RELN: variants seen among roughly 807,000 people sequenced by gnomAD.
RELN encodes the protein reelin.
RELN carries 108 observed loss-of-function variants against 427.6 expected under a neutral mutation model. The observed-to-expected ratio is 0.25, with a 90% CI of 0.22 to 0.30. The LOEUF is 0.30. RELN is among the 10% of genes least tolerant of loss of function. The pLI is 1.00. For synonymous variants in RELN, 1,524 were observed against 1,513.4 expected, an observed-to-expected ratio of 1.01 and a Z score of -0.16; for missense variants, 3,715 against 4,302.8, an observed-to-expected ratio of 0.86 and a Z score of 3.82.
rs1485822160 is a variant in RELN, at chr7:103,640,854, G to A, written c.2003-245C>T. Among the ~76,000 whole-genome samples, 1 of 152,104 alleles carries A rather than the reference G, an allele frequency of 6.6e-6. No individual in the cohort carries two copies. Among genetic ancestry groups the A allele is most frequent in the African/African-American group, 2.4e-5 (1 of 41,430 alleles). On this transcript the variant is annotated intron_variant, in intron 16 of 64. Transcript: ENST00000428762. This position sits in a 1 kb window ranked among gnomAD's most constrained non-coding sequence, Gnocchi z 4.1. ...CATATCAAAGAAGATAGGAGCTTAT[G>A]ATTTGAATTCTTAATAGAGTCTATT... is the stretch of plus-strand genomic sequence containing the variant.
rs927642846 is a variant in RELN at position 103,704,506 on chromosome 7, T to G, written c.806-3500A>C. 3.3e-5 allele frequency among the ~76,000 whole-genome samples: 5 copies of G among 152,230 alleles called. 1 individual carries two copies. The highest frequency in any genetic ancestry group is 6.8e-3 in the Middle Eastern group (2 of 294). ...TCCTCCTCTTACAGTGGATGAAATA[T>G]TTCTGTTATAATCAAAGGTTAATTT... On this transcript the variant is annotated intron_variant, in intron 8 of 64. Transcript: ENST00000428762.
At chr7:103,734,161 T>G (rs1190050023) in intron 6 of RELN, among the ~76,000 whole-genome samples, 2 of 152,196 alleles carry the variant, frequency 1.3e-5, no homozygotes, top group Non-Finnish European at 2.9e-5. Flanking sequence ...TTTTCCACTT[T>G]CTCATGTTCT....
intron 31 of RELN, among the ~76,000 whole-genome samples, chr7:103,571,227 GA>G (rs1275780094): frequency 6.6e-6 from 1 of 152,158 alleles, no homozygotes; most frequent in Non-Finnish European, 1.5e-5. Flanking sequence ...AACAAACTTA[GA>G]AGGTGCAAAC....
In RELN at chr7:103,495,766, G is replaced by T; in HGVS notation, c.9326C>A (p.Ser3109Tyr). The T allele has an allele frequency of 6.2e-7, 1 of 1,614,002 alleles. No homozygotes were observed. The highest frequency in any genetic ancestry group is 8.5e-7 in the Non-Finnish European group (1 of 1,179,994). ...TCCTGGCTGTATAATGAGTTCTCGG[G>T]AGGAGAGAGCATTGTGAGTCTTGTC... Reference protein sequence around the residue: ...KKDKTHNALSSRELIIQPGYM... With the variant: ...KKDKTHNALSYRELIIQPGYM... The change falls in exon 57 of 65, where the codon TCC (serine) becomes TAC (tyrosine). Residue 3109 changes from serine to tyrosine, a missense_variant. Around this residue, in one of 4 missense-constraint regions of RELN, gnomAD observed 1,310 missense variants for 1,643.0 expected, o/e 0.80. Coordinates refer to ENST00000428762, the MANE Select transcript of RELN (RefSeq NM_005045.4).
intron 10 of RELN, among the ~76,000 whole-genome samples, chr7:103,692,206 C>T (rs1485198598): frequency 6.6e-6 from 1 of 152,076 alleles, no homozygotes; most frequent in Non-Finnish European, 1.5e-5. Context: ...CACGAAGGGG[C>T]AAGGAGCCCT....
chr7:103,716,285 A>G (rs749169778), intron 8 of RELN, among the ~76,000 whole-genome samples: 9 of 152,094 alleles, frequency 5.9e-5, no homozygotes, highest in Admixed American at 2.0e-4. Context: ...GTTAATCAGC[A>G]ATGTTTACTG....
intron 61 of RELN, 76 bp downstream of exon 61, chr7:103,486,121 T>C: frequency 2.9e-6 from 4 of 1,377,022 alleles, no homozygotes; most frequent in Admixed American, 3.4e-5. Flanking sequence ...TTCACAATCC[T>C]ATCTAACAGA....
At chr7:103,777,751 T>C (rs1791780849) in intron 3 of RELN, among the ~76,000 whole-genome samples, 1 of 152,168 alleles carries the variant, frequency 6.6e-6, no homozygotes, top group Admixed American at 6.5e-5. Context: ...GATTGAATTG[T>C]AAGTAGACCC....
At chr7:103,742,169 C>A (rs566536019) in intron 6 of RELN, among the ~76,000 whole-genome samples, 1 of 152,160 alleles carries the variant, frequency 6.6e-6, no homozygotes, top group Non-Finnish European at 1.5e-5. Flanking sequence ...CTGGAGTGGA[C>A]GTCTAGCAAA....
rs147042966 is a variant in RELN at position 103,551,155 on chromosome 7, C to T, written c.6214G>A (p.Glu2072Lys). The T allele has an allele frequency of 2.3e-5, 37 of 1,613,884 alleles. 1 individual carries two copies. The highest frequency in any genetic ancestry group is 1.6e-4 in the African/African-American group (12 of 74,892). Reference protein sequence around the residue: ...SSHVSSLCSTEHHPSSTYYAG... With the variant: ...SSHVSSLCSTKHHPSSTYYAG... ...TAGTAGGTGCTGCTGGGGTGGTGCT[C>T]GGTGGAGCATAAAGAGCTGACGTGG... Residue 2072 changes from glutamate to lysine, a missense_variant, in exon 41 of 65, where the codon GAG (glutamate) becomes AAG (lysine). This residue lies in a region of RELN where 1,310 missense variants were observed against 1,643.0 expected (regional missense o/e 0.80). Transcript: ENST00000428762.
At chr7:103,572,765 A>C (rs1830912961) in intron 30 of RELN, among the ~76,000 whole-genome samples, 1 of 152,052 alleles carries the variant, frequency 6.6e-6, no homozygotes, top group Non-Finnish European at 1.5e-5. Context: ...TCTACTAAAA[A>C]TACAGTCTGT....
At chr7:103,517,965 G>C (rs191570134) in intron 49 of RELN, among the ~76,000 whole-genome samples, 2 of 152,174 alleles carry the variant, frequency 1.3e-5, no homozygotes, top group Non-Finnish European at 2.9e-5. Flanking sequence ...TCCTTGAAGA[G>C]AGAGCACACC....
rs1310087423 is a variant in RELN, at chr7:103,796,875, CAAA to C, written c.474-20251_474-20249del. On this transcript the variant is annotated intron_variant, in intron 3 of 64. Transcript: ENST00000428762. ...GGCAAGAGAGCTAGACTCCATCTCA[CAAA>C]AAAAAAAAAAAAAAAAGAAAGAAAG... is the stretch of plus-strand genomic sequence containing the variant. Among the ~76,000 whole-genome samples the C allele has an allele frequency of 9.2e-3, 618 of 67,240 alleles. 1 individual carries two copies. Among genetic ancestry groups the C allele is most frequent in the African/African-American group, 0.031 (585 of 18,702 alleles). 44.1% of individuals were successfully genotyped at this position (67,240 alleles called of 152,430 possible).
chr7:103,554,238 G>GAAA (rs35750470), intron 38 of RELN, among the ~76,000 whole-genome samples: 2 of 146,694 alleles, frequency 1.4e-5, no homozygotes, highest in African/African-American at 5.0e-5. Flanking sequence ...CTTTCTGGGG[G>GAAA]AAAAAAAAAA....
intron 51 of RELN, among the ~76,000 whole-genome samples, chr7:103,506,745 A>G (rs1462992939): frequency 6.6e-6 from 1 of 152,256 alleles, no homozygotes; most frequent in African/African-American, 2.4e-5. Context: ...TAAATGCCCC[A>G]ATTAAAAGAC....
chr7:103,915,055 T>C (rs1242362316), intron 2 of RELN, among the ~76,000 whole-genome samples: 1 of 152,130 alleles, frequency 6.6e-6, no homozygotes, highest in African/African-American at 2.4e-5. Context: ...TAGTCTCCTA[T>C]CTAGCCGTAT....
chr7:103,481,349 A>C (rs536159719), intron 63 of RELN, among the ~76,000 whole-genome samples: 11 of 152,292 alleles, frequency 7.2e-5, no homozygotes, highest in African/African-American at 2.6e-4. Context: ...TCTTTTGAGG[A>C]CTGTCAGGTT....
chr7:103,475,323 A>G (rs929687819), intron 64 of RELN, among the ~76,000 whole-genome samples: 14 of 152,070 alleles, frequency 9.2e-5, no homozygotes, highest in Middle Eastern at 3.4e-3. Flanking sequence ...TATGGGGGCC[A>G]GTCCCCCAAC....
At chr7:103,818,256 A>G (rs1792928845) in intron 3 of RELN, among the ~76,000 whole-genome samples, 1 of 152,224 alleles carries the variant, frequency 6.6e-6, no homozygotes, top group South Asian at 2.1e-4. Flanking sequence ...AAAGAGACAG[A>G]ATGCGTTGCT....
Sources: allele counts gnomAD v4.1 joint callset (sites outside exome capture counted in the v4.1 genomes callset), GRCh38; gene constraint gnomAD v4.1.1; regional missense constraint gnomAD v4.1.1; non-coding constraint Gnocchi (gnomAD v3.1); transcripts MANE v1.5; gene names NCBI Gene and HGNC (gene_info 2026-07-23, HGNC 2026-07-21).